NPAS3: variants seen among roughly 807,000 people sequenced by gnomAD.
NPAS3 encodes neuronal PAS domain protein 3, also known as neuronal PAS domain-containing protein 3.
NPAS3 carries 14 observed loss-of-function variants against 73.1 expected under a neutral mutation model. That is an observed-to-expected ratio of 0.19 (90% confidence interval 0.13 to 0.30). NPAS3 has a LOEUF of 0.30. NPAS3 is among the 10% of genes least tolerant of loss of function. The pLI is 1.00. For missense variants in NPAS3, 1,096 were observed against 1,250.0 expected (o/e 0.88, Z 1.86); for synonymous variants, 620 against 541.5 (o/e 1.14, Z -2.01).
chr14:33,148,688 T>C (rs67036405), intron 2 of NPAS3, among the ~76,000 whole-genome samples: 7 of 151,982 alleles, frequency 4.6e-5, no homozygotes, highest in Admixed American at 6.6e-5. Context: ...TTTTCTTTTT[T>C]AAAAAAAATT....
chr14:33,210,796 CA>C (rs532699723), intron 2 of NPAS3, among the ~76,000 whole-genome samples: 2 of 151,880 alleles, frequency 1.3e-5, no homozygotes, highest in African/African-American at 4.8e-5. Context: ...TGATCCTGCA[CA>C]AAAAAATTTA....
intron 4 of NPAS3, among the ~76,000 whole-genome samples, chr14:33,393,163 A>G (rs923508650): frequency 3.3e-5 from 5 of 152,188 alleles, no homozygotes; most frequent in Admixed American, 1.3e-4. Flanking sequence ...TGGGACACTA[A>G]TGGCTAATTA....
At chr14:33,332,751 A>G (rs2044042705) in intron 3 of NPAS3, among the ~76,000 whole-genome samples, 1 of 152,188 alleles carries the variant, frequency 6.6e-6, no homozygotes. Context: ...CCTGTTTACA[A>G]GTCAGTTGAA....
At chr14:32,964,876 G>A (rs1265762014) in intron 1 of NPAS3, among the ~76,000 whole-genome samples, 1 of 152,006 alleles carries the variant, frequency 6.6e-6, no homozygotes, top group Non-Finnish European at 1.5e-5. Flanking sequence ...AGGCTGAGGT[G>A]GGAGGATCTC....
chr14:33,321,687 T>C (rs1001928511), intron 3 of NPAS3, among the ~76,000 whole-genome samples: 6 of 151,924 alleles, frequency 3.9e-5, no homozygotes, highest in African/African-American at 1.2e-4. Context: ...CCCAGCGTTT[T>C]TGTGTGTGGT....
intron 3 of NPAS3, among the ~76,000 whole-genome samples, chr14:33,247,048 A>C (rs1175264114): frequency 1.3e-5 from 2 of 152,058 alleles, no homozygotes; most frequent in East Asian, 3.9e-4. Context: ...AGAGAAAGAA[A>C]GAAAGAAAAA....
chr14:33,611,713 ATT>A (rs1436241237), intron 5 of NPAS3, among the ~76,000 whole-genome samples: 4 of 152,100 alleles, frequency 2.6e-5, no homozygotes, highest in Non-Finnish European at 5.9e-5. Context: ...AAGAAGGCTA[ATT>A]TTTTGCCTGT....
chr14:33,769,901 C>T (rs887918665), intron 7 of NPAS3, among the ~76,000 whole-genome samples: 1 of 150,756 alleles, frequency 6.6e-6, no homozygotes, highest in African/African-American at 2.4e-5. Flanking sequence ...GTAGCTGGGG[C>T]CAAAGACATG....
At chr14:32,999,256 A>G (rs1412861354) in intron 1 of NPAS3, among the ~76,000 whole-genome samples, 1 of 152,180 alleles carries the variant, frequency 6.6e-6, no homozygotes, top group Non-Finnish European at 1.5e-5. Context: ...TCATGCCTGT[A>G]ATCCCAGCCC....
intron 1 of NPAS3, among the ~76,000 whole-genome samples, chr14:33,015,932 G>A (rs2039374041): frequency 1.3e-5 from 2 of 152,142 alleles, no homozygotes; most frequent in South Asian, 4.1e-4. Context: ...GAAAGCACTT[G>A]GGTATGGATA....
chr14:33,554,526 G>A (rs1157656531), intron 4 of NPAS3, among the ~76,000 whole-genome samples: 2 of 152,046 alleles, frequency 1.3e-5, no homozygotes, highest in African/African-American at 4.8e-5. Context: ...ATAATTAGGG[G>A]GTGGAACAGA....
chr14:33,480,741 C>T (rs1039112849), intron 4 of NPAS3, among the ~76,000 whole-genome samples: 2 of 151,912 alleles, frequency 1.3e-5, no homozygotes, highest in African/African-American at 4.8e-5. Context: ...ATAAACCTCA[C>T]TTTGTCAATG....
At chr14:33,773,199 A>G (rs894917658) in intron 7 of NPAS3, among the ~76,000 whole-genome samples, 1 of 152,192 alleles carries the variant, frequency 6.6e-6, no homozygotes, top group Non-Finnish European at 1.5e-5. Flanking sequence ...CCAGTTCCTT[A>G]TAGCAAAGGA....
intron 4 of NPAS3, among the ~76,000 whole-genome samples, chr14:33,377,903 A>T (rs1326693334): frequency 6.6e-6 from 1 of 152,194 alleles, no homozygotes. Context: ...TGCATCAGGG[A>T]CTGCAGAAAA....
At chr14:33,538,278 T>C (rs560432722) in intron 4 of NPAS3, among the ~76,000 whole-genome samples, 1 of 152,272 alleles carries the variant, frequency 6.6e-6, no homozygotes, top group African/African-American at 2.4e-5. Flanking sequence ...TCCCACACAA[T>C]AATACCAGAA....
chr14:33,102,431 A>G (rs1020750564), intron 2 of NPAS3, among the ~76,000 whole-genome samples: 44 of 152,252 alleles, frequency 2.9e-4, no homozygotes, highest in African/African-American at 1.0e-3. Context: ...TTTGCTTACT[A>G]TTTAGAACCT....
At chr14:33,480,219 ACATTTTAAGAAG>A (rs545022424) in intron 4 of NPAS3, among the ~76,000 whole-genome samples, 123 of 152,338 alleles carry the variant, frequency 8.1e-4, no homozygotes, top group African/African-American at 2.7e-3. Flanking sequence ...ATTAGAAGAT[ACATTTTAAGAAG>A]CATTTTAATA....
intron 6 of NPAS3, among the ~76,000 whole-genome samples, chr14:33,678,115 T>C (rs910661492): frequency 2.6e-5 from 4 of 152,214 alleles, no homozygotes; most frequent in Non-Finnish European, 5.9e-5. Flanking sequence ...AGGATCTTCA[T>C]GATCCTTTTA....
intron 1 of NPAS3, among the ~76,000 whole-genome samples, chr14:33,054,181 CTTT>C (rs1244914652): frequency 6.6e-6 from 1 of 152,122 alleles, no homozygotes; most frequent in African/African-American, 2.4e-5. Flanking sequence ...TCATTTCAAG[CTTT>C]TTTATATCTC....
Sources: gnomAD v4.1 joint callset for allele counts (sites outside exome capture counted in the v4.1 genomes callset) on GRCh38, gnomAD v4.1.1 for gene constraint, MANE v1.5 for transcripts, NCBI Gene and HGNC (gene_info 2026-07-23, HGNC 2026-07-21) for gene names.